PRKACB: variants seen among roughly 807,000 people sequenced by gnomAD.
PRKACB encodes the protein cAMP-dependent protein kinase catalytic subunit beta.
PRKACB carries 16 observed loss-of-function variants against 51.4 expected under a neutral mutation model. The observed-to-expected ratio is 0.31, with a 90% CI of 0.21 to 0.47. The LOEUF (loss-of-function observed/expected upper bound fraction) is 0.47, where lower values mean the gene tolerates loss of function less well. PRKACB is among the 20% of genes least tolerant of loss of function. PRKACB has a pLI of 1.00. For missense variants in PRKACB, 309 were observed against 464.5 expected, an observed-to-expected ratio of 0.67 and a Z score of 3.08; for synonymous variants, 147 against 154.4, an observed-to-expected ratio of 0.95 and a Z score of 0.35.
At chr1:84,102,478 A>C (rs1021752332) in intron 1 of PRKACB, among the ~76,000 whole-genome samples, 4 of 152,174 alleles carry the variant, frequency 2.6e-5, no homozygotes, top group African/African-American at 9.7e-5. Flanking sequence ...GTTTTTAGAA[A>C]TCTTAAGGAC....
At chr1:84,156,129 T>C (rs1408818915) in intron 1 of PRKACB, among the ~76,000 whole-genome samples, 1 of 151,942 alleles carries the variant, frequency 6.6e-6, no homozygotes, top group Admixed American at 6.6e-5. Flanking sequence ...GCTGGGAATA[T>C]AGATGCATGC....
intron 1 of PRKACB, among the ~76,000 whole-genome samples, chr1:84,118,274 C>A (rs1650791754): frequency 6.6e-6 from 1 of 152,206 alleles, no homozygotes; most frequent in South Asian, 2.1e-4. Flanking sequence ...CTCCATTGTA[C>A]TCTAGTGTTC....
intron 8 of PRKACB, among the ~76,000 whole-genome samples, chr1:84,213,728 A>G (rs1215771780): frequency 6.6e-6 from 1 of 152,224 alleles, no homozygotes; most frequent in Non-Finnish European, 1.5e-5. Flanking sequence ...CAAAATGTAC[A>G]TACTGATTTC....
intron 1 of PRKACB, among the ~76,000 whole-genome samples, chr1:84,134,202 GC>G (rs1158880210): frequency 1.3e-5 from 2 of 152,152 alleles, no homozygotes; most frequent in African/African-American, 4.8e-5. Context: ...TTCTCTGCCA[GC>G]TGGGTCAGGG....
intron 1 of PRKACB, among the ~76,000 whole-genome samples, chr1:84,151,914 C>T (rs776565090): frequency 1.5e-4 from 23 of 152,206 alleles, no homozygotes; most frequent in Non-Finnish European, 5.9e-5. Flanking sequence ...CTGACCTCCT[C>T]CCATAAATCA....
At position 84,127,934 on chromosome 1, in the gene PRKACB, T is replaced by C. The variant is rs557260050; in HGVS notation, c.46+49563T>C. 2.6e-5 allele frequency among the ~76,000 whole-genome samples: 4 copies of C among 151,898 alleles called. No homozygotes were observed. The East Asian group carries it at 7.7e-4, about 29-fold the overall frequency. On this transcript the variant is annotated intron_variant, in intron 1 of 8. Coordinates refer to the PRKACB transcript ENST00000370688. ...GCCAAATTTTACATTGTGTAAAAAA[T>C]AAAGAGGCTTTGCTCAGGATTCCTC...
chr1:84,198,608 A>T (rs1668864384), intron 7 of PRKACB, among the ~76,000 whole-genome samples: 1 of 152,040 alleles, frequency 6.6e-6, no homozygotes, highest in Admixed American at 6.6e-5. Flanking sequence ...TTATAATCTA[A>T]ATATCATTGT....
rs910829506 is a variant in PRKACB at position 84,083,886 on chromosome 1, T to C, written c.46+5515T>C. On this transcript the variant is annotated intron_variant, in intron 1 of 8. Coordinates refer to the PRKACB transcript ENST00000370688. ...TTTGTTCATTGCTTCATTCATTCCTTTATTCAGTACACATAATTGAGCTCC... is the reference window on the plus strand; with the variant it reads ...TTTGTTCATTGCTTCATTCATTCCTCTATTCAGTACACATAATTGAGCTCC... 2.0e-5 allele frequency among the ~76,000 whole-genome samples: 3 copies of C among 152,232 alleles called. No individual in the cohort carries two copies. The South Asian group carries it at 6.2e-4, about 31-fold the overall frequency.
rs1656913914 is a variant in PRKACB, at chr1:84,164,933, A to G, written c.188-14244A>G. 4 of 1,526,178 alleles carry G rather than the reference A, an allele frequency of 2.6e-6. No homozygotes were observed. In the South Asian group the frequency reaches 5.0e-5, roughly 19 times the overall value. The allele number at this position is 1,526,178 out of a possible 1,614,324, so 94.5% of individuals were successfully genotyped here. ...TTACACCATCGGTTCTTCTCCCTCT[A>G]GAGATTAGCATAACTCCCTTTGCTG... On this transcript the variant is annotated intron_variant, in intron 1 of 9. Coordinates refer to ENST00000370685, the MANE Select transcript of PRKACB (RefSeq NM_182948.4).
chr1:84,161,772 T>C (rs1395066899), intron 1 of PRKACB, among the ~76,000 whole-genome samples: 1 of 151,974 alleles, frequency 6.6e-6, no homozygotes, highest in East Asian at 1.9e-4. Context: ...TTTTCACATA[T>C]ATTTATATAT....
At chr1:84,175,918 G>A in intron 1 of PRKACB, 1 of 849,624 alleles carries the variant, frequency 1.2e-6, no homozygotes, top group East Asian at 3.1e-5. Context: ...TTTTTTGTGT[G>A]TCCTCTTTTT....
In PRKACB at chr1:84,165,055, A is replaced by T. The variant is rs1656942826; in HGVS notation, c.188-14122A>T. 4 of 1,406,044 alleles carry T rather than the reference A, an allele frequency of 2.8e-6. No individual in the cohort carries two copies. The African/African-American group carries it at 5.8e-5, about 20-fold the overall frequency. The allele number at this position is 1,406,044 out of a possible 1,614,324, so 87.1% of individuals were successfully genotyped here. A position where few individuals can be genotyped will look rare whatever the true frequency, so the allele number is the denominator to read the frequency against. Reference sequence around the variant, plus strand: ...AGACTCTGCAGCTGTTTATTTAAAAAATATATTTATAAGAGGAAAAAATAT... The same window carrying T: ...AGACTCTGCAGCTGTTTATTTAAAATATATATTTATAAGAGGAAAAAATAT... On this transcript the variant is annotated intron_variant, in intron 1 of 9. Transcript: ENST00000370685.
At chr1:84,098,942 A>T (rs537602108) in intron 1 of PRKACB, among the ~76,000 whole-genome samples, 35 of 152,236 alleles carry the variant, frequency 2.3e-4, no homozygotes, top group Middle Eastern at 6.8e-3. Flanking sequence ...AGGTTTAAAG[A>T]TTGTTGAAGT....
intron 1 of PRKACB, among the ~76,000 whole-genome samples, chr1:84,178,096 C>T (rs1020320477): frequency 2.2e-4 from 34 of 151,964 alleles, no homozygotes; most frequent in Non-Finnish European, 4.7e-4. Flanking sequence ...TGCCAAAAGC[C>T]TTTTTGGTTA....
intron 1 of PRKACB, among the ~76,000 whole-genome samples, chr1:84,125,421 C>T (rs1651491960): frequency 6.6e-6 from 1 of 152,192 alleles, no homozygotes; most frequent in African/African-American, 2.4e-5. Flanking sequence ...TCGGGCCCAC[C>T]TAAGTAATCC....
intron 9 of PRKACB, among the ~76,000 whole-genome samples, chr1:84,234,696 C>T (rs1313621556): frequency 6.6e-6 from 1 of 152,206 alleles, no homozygotes; most frequent in African/African-American, 2.4e-5. Context: ...GTCTGTCACC[C>T]CTTTCTTTGA....
At chr1:84,087,924 G>C (rs1282320574) in intron 1 of PRKACB, among the ~76,000 whole-genome samples, 1 of 152,268 alleles carries the variant, frequency 6.6e-6, no homozygotes, top group South Asian at 2.1e-4. Context: ...GAAATAGGGA[G>C]TAAAGAGTTG....
chr1:84,101,291 T>A (rs368104142), intron 1 of PRKACB, among the ~76,000 whole-genome samples: 10 of 152,176 alleles, frequency 6.6e-5, no homozygotes, highest in East Asian at 3.9e-4. Context: ...TTCAACTGAT[T>A]GAGTCAGATC....
chr1:84,154,984 C>A (rs924751712), intron 1 of PRKACB, among the ~76,000 whole-genome samples: 3 of 151,888 alleles, frequency 2.0e-5, no homozygotes, highest in African/African-American at 7.2e-5. Context: ...GAAAGGATGC[C>A]CACTGTTAAA....
Sources: gnomAD v4.1 joint callset for allele counts (sites outside exome capture counted in the v4.1 genomes callset) on GRCh38, gnomAD v4.1.1 for gene constraint, MANE v1.5 for transcripts, NCBI Gene and HGNC (gene_info 2026-07-23, HGNC 2026-07-21) for gene names.